DEFB110: variants seen among roughly 807,000 people sequenced by gnomAD.
DEFB110 encodes the protein defensin beta 110, also known as beta-defensin 110.
In DEFB110, 4 loss-of-function variants were observed where a neutral mutation model predicts 2.5. The ratio of observed to expected loss-of-function variants is 1.60; its 90% confidence interval spans 0.79 to 3.66. The LOEUF (loss-of-function observed/expected upper bound fraction) is 3.66, where lower values mean the gene tolerates loss of function less well. Among genes scored for constraint, DEFB110 ranks in the 30% most tolerant of loss-of-function variants. The pLI is 0.01. For synonymous variants in DEFB110, 29 were observed against 21.8 expected (o/e 1.33, Z -0.92); for missense variants, 94 against 75.4 (o/e 1.25, Z -0.91).
chr6:50,019,012 T>C lies in DEFB110; in HGVS notation c.169A>G (p.Ile57Val), dbSNP rs1354141612. The change falls in exon 2 of 2, where the codon ATA becomes GTA. Residue 57 changes from isoleucine to valine, a missense_variant. Ile to Val is a conservative substitution (Grantham distance 29). Coordinates refer to ENST00000371148, the MANE Select transcript of DEFB110 (RefSeq NM_001037497.2). ...AAGCAGCAATGAGTTCCAGGTCTTA[T>C]GCAGTAAGCAATCCTAATTTCATTT... ...HENEIRIAYC[I>V]RPGTHCCLQQ The C allele has an allele frequency of 5.6e-6, 9 of 1,612,918 alleles. No homozygotes were observed. The highest frequency in any genetic ancestry group is 5.3e-5 in the African/African-American group (4 of 74,878).
intron 1 of DEFB110, among the ~76,000 whole-genome samples, chr6:50,013,229 A>G (rs1346277972): frequency 6.6e-6 from 1 of 151,888 alleles, no homozygotes; most frequent in Non-Finnish European, 1.5e-5. Flanking sequence ...ACTCAAAAGC[A>G]ATATATATGC....
chr6:50,017,742 A>T (rs1260534363), downstream of DEFB110, among the ~76,000 whole-genome samples: 1 of 151,914 alleles, frequency 6.6e-6, no homozygotes, highest in Admixed American at 6.6e-5. Flanking sequence ...CTTGTTGTAG[A>T]TAATGCTTAG....
At chr6:50,010,524 A>AATAT (rs138922057) in intron 1 of DEFB110, among the ~76,000 whole-genome samples, 3,297 of 147,218 alleles carry the variant, frequency 0.022, 116 homozygotes, top group African/African-American at 0.076. Flanking sequence ...TTAACATGTT[A>AATAT]ATATATATAT....
At chr6:50,017,241 C>A (rs756615945), downstream of DEFB110, among the ~76,000 whole-genome samples, 112 of 151,814 alleles carry the variant, frequency 7.4e-4, no homozygotes, top group Middle Eastern at 0.014. Context: ...ACATCTAGCC[C>A]ATATGTAATA....
chr6:50,013,877 A>T (rs1287609278), downstream of DEFB110, among the ~76,000 whole-genome samples: 2 of 151,900 alleles, frequency 1.3e-5, no homozygotes, highest in African/African-American at 4.8e-5. Context: ...AAGACATGGA[A>T]CAGATTTTAG....
downstream of DEFB110, among the ~76,000 whole-genome samples, chr6:50,015,833 G>A (rs1310274875): frequency 1.3e-5 from 2 of 151,680 alleles, no homozygotes; most frequent in Non-Finnish European, 3.0e-5. Flanking sequence ...ATAAATGAGG[G>A]AGAATATATT....
At chr6:50,018,721 C>T (rs1774360654), downstream of DEFB110, 1 of 901,476 alleles carries the variant, frequency 1.1e-6, no homozygotes, top group Non-Finnish European at 1.4e-6. Flanking sequence ...ACTTGTGGAA[C>T]ATGAAGCACT....
chr6:50,021,971 C>G lies in DEFB110; in HGVS notation c.-36G>C, dbSNP rs1774426408. On this transcript the variant is annotated 5_prime_UTR_variant, in exon 1 of 2. Transcript: ENST00000371148. ...TTCTTAAAAAAAGGGGGCAACAGAC[C>G]TCCTTTTTCAAGTCAGTTGTTTTGA... 6.7e-7 allele frequency: 1 copy of G among 1,502,510 alleles called. No homozygotes were observed. Among genetic ancestry groups the G allele is most frequent in the Non-Finnish European group, 8.9e-7 (1 of 1,126,518 alleles). The allele number at this position is 1,502,510 out of a possible 1,614,324, so 93.1% of individuals were successfully genotyped here. A position where few individuals can be genotyped will look rare whatever the true frequency, so the allele number is the denominator to read the frequency against.
chr6:50,015,680 T>C (rs1465851929), downstream of DEFB110, among the ~76,000 whole-genome samples: 1 of 151,890 alleles, frequency 6.6e-6, no homozygotes, highest in Non-Finnish European at 1.5e-5. Context: ...TTCTATTATT[T>C]ACTGTTTATA....
At chr6:50,017,279 TC>T (rs1354298236), downstream of DEFB110, among the ~76,000 whole-genome samples, 1 of 151,892 alleles carries the variant, frequency 6.6e-6, no homozygotes, top group Non-Finnish European at 1.5e-5. Context: ...GATAACTATT[TC>T]TCATAAAACA....
chr6:50,019,104 T>C lies in DEFB110; in HGVS notation c.77A>G (p.Tyr26Cys), dbSNP rs748568152. Reference sequence around the variant, plus strand: ...CTCTCTCCTCAAGTCCAAGCTACCATACTCAGGATATTTCTTTTTGGCTGT... The same window carrying C: ...CTCTCTCCTCAAGTCCAAGCTACCACACTCAGGATATTTCTTTTTGGCTGT... The part of the protein sequence containing the change: ...ILPAKKKYPE[Y>C]GSLDLRRECR... The change falls in exon 2 of 2, where the codon TAT (tyrosine) becomes TGT (cysteine). Residue 26 changes from tyrosine (Y) to cysteine (C), a missense_variant. Physicochemically the swap from Tyr to Cys is radical, Grantham distance 194. Coordinates refer to ENST00000371148, the MANE Select transcript of DEFB110 (RefSeq NM_001037497.2). 50 of 1,612,406 alleles carry C rather than the reference T, an allele frequency of 3.1e-5. No homozygotes were observed. The highest frequency in any genetic ancestry group is 4.0e-5 in the Non-Finnish European group (47 of 1,179,106).
At chr6:50,009,878 T>C (rs188248726) in intron 1 of DEFB110, among the ~76,000 whole-genome samples, 4 of 152,194 alleles carry the variant, frequency 2.6e-5, no homozygotes, top group Non-Finnish European at 5.9e-5. Context: ...TATAGTTTCT[T>C]GTGAACCATC....
chr6:50,011,216 A>G (rs1394158634), intron 1 of DEFB110, among the ~76,000 whole-genome samples: 1 of 151,640 alleles, frequency 6.6e-6, no homozygotes, highest in Non-Finnish European at 1.5e-5. Flanking sequence ...TATAAAAACA[A>G]TTTTAAGGTG....
Position 50,018,852 on chromosome 6 carries a change from C to G in DEFB110, c.*125G>C. 7.0e-7 allele frequency: 1 copy of G among 1,432,888 alleles called. No individual in the cohort carries two copies. The highest frequency in any genetic ancestry group is 9.1e-7 in the Non-Finnish European group (1 of 1,099,604). 88.8% of individuals were successfully genotyped at this position (1,432,888 alleles called of 1,614,324 possible). A position where few individuals can be genotyped will look rare whatever the true frequency, so the allele number is the denominator to read the frequency against. ...GACATATGATCACTTCTGAATGGTT[C>G]AACATTAATTTTTATTTAGTTCTTG... On this transcript the variant is annotated 3_prime_UTR_variant, in exon 2 of 2. Transcript: ENST00000371148.
chr6:50,009,301 T>A lies in DEFB110; in HGVS notation c.56-30A>T, dbSNP rs752472967. ...AATCAAGAAAAATATCTAAAGTTAT[T>A]AGTCTATTATTGATTTGTGGGTTTT... On this transcript the variant is annotated intron_variant, in intron 1 of 1. Transcript: ENST00000393660. The A allele has an allele frequency of 4.5e-6, 7 of 1,569,192 alleles. No homozygotes were observed. In the South Asian group the frequency reaches 8.4e-5, roughly 19 times the overall value.
downstream of DEFB110, among the ~76,000 whole-genome samples, chr6:50,017,141 T>A (rs1774332585): frequency 6.6e-6 from 1 of 151,902 alleles, no homozygotes; most frequent in South Asian, 2.1e-4. Context: ...TTTTAAACAT[T>A]TATTTTTACT....
chr6:50,017,945 G>T (rs1774345435), downstream of DEFB110, among the ~76,000 whole-genome samples: 1 of 151,560 alleles, frequency 6.6e-6, no homozygotes, highest in African/African-American at 2.4e-5. Context: ...CCAAAATATT[G>T]GTTAATTTTA....
At chr6:50,012,438 T>C (rs113481276) in intron 1 of DEFB110, among the ~76,000 whole-genome samples, 2 of 151,924 alleles carry the variant, frequency 1.3e-5, no homozygotes, top group African/African-American at 4.8e-5. Context: ...ATTCATATTA[T>C]ATAATAAAAA....
At chr6:50,011,300 A>T (rs1275924734) in intron 1 of DEFB110, among the ~76,000 whole-genome samples, 1 of 152,050 alleles carries the variant, frequency 6.6e-6, no homozygotes, top group East Asian at 1.9e-4. Context: ...TACATACCAC[A>T]TAAAAACAAA....
Sources: allele counts gnomAD v4.1 joint callset (sites outside exome capture counted in the v4.1 genomes callset), GRCh38; gene constraint gnomAD v4.1.1; transcripts MANE v1.5; gene names NCBI Gene and HGNC (gene_info 2026-07-23, HGNC 2026-07-21).